The following GRIA4 variants were observed in gnomAD, a reference collection of about 807,000 sequenced individuals.
The protein encoded by GRIA4 is glutamate receptor 4.
A neutral mutation model predicts 104.0 loss-of-function variants in GRIA4; 34 were observed. The ratio of observed to expected loss-of-function variants is 0.33; its 90% CI spans 0.25 to 0.44. The LOEUF is 0.44. GRIA4 is among the 20% of genes least tolerant of loss of function. The pLI, the probability that GRIA4 is intolerant of heterozygous loss-of-function variation, is 1.00. For synonymous variants in GRIA4, 386 were observed against 381.9 expected, an observed-to-expected ratio of 1.01 and a Z score of -0.13; for missense variants, 750 against 1,096.5, an observed-to-expected ratio of 0.68 and a Z score of 4.46.
chr11:105,831,569 T>C (rs1943979256), intron 4 of GRIA4, among the ~76,000 whole-genome samples: 1 of 152,082 alleles, frequency 6.6e-6, no homozygotes, highest in East Asian at 1.9e-4. Flanking sequence ...CTTCCTGTGT[T>C]ACAATATTCA....
At chr11:105,678,813 TAAATA>T (rs1167945259) in intron 3 of GRIA4, among the ~76,000 whole-genome samples, 1 of 152,040 alleles carries the variant, frequency 6.6e-6, no homozygotes, top group Admixed American at 6.6e-5. Context: ...TTTGCAGAAA[TAAATA>T]AAATAAAGCT....
chr11:105,820,554 T>C (rs1458786335), intron 4 of GRIA4, among the ~76,000 whole-genome samples: 1 of 152,092 alleles, frequency 6.6e-6, no homozygotes, highest in Non-Finnish European at 1.5e-5. Context: ...TTTTCTGCCA[T>C]TTTTCCTACA....
At chr11:105,918,570 T>C (rs1299139349) in intron 10 of GRIA4, 142 bp from the exon 11 acceptor site, 1 of 571,428 alleles carries the variant, frequency 1.7e-6, no homozygotes, top group African/African-American at 1.9e-5. Flanking sequence ...TCTGTTTTAT[T>C]ATTGACTTCT....
chr11:105,696,790 G>A (rs182369315), intron 3 of GRIA4, among the ~76,000 whole-genome samples: 1 of 151,572 alleles, frequency 6.6e-6, no homozygotes, highest in East Asian at 1.9e-4. Flanking sequence ...TTGAAACAGA[G>A]TTTTGCTCTA....
chr11:105,911,554 T>C (rs1486633559), intron 10 of GRIA4, among the ~76,000 whole-genome samples: 1 of 151,388 alleles, frequency 6.6e-6, no homozygotes, highest in African/African-American at 2.4e-5. Context: ...TGTTGAGTTG[T>C]TCCCAAAAGT....
intron 4 of GRIA4, among the ~76,000 whole-genome samples, chr11:105,815,649 AG>A (rs57799906): frequency 0.012 from 1,850 of 149,604 alleles, 41 homozygotes; most frequent in African/African-American, 0.044. Flanking sequence ...AGTATGTTTA[AG>A]GGGTTTATAT....
At chr11:105,671,060 CCA>C (rs1160553761) in intron 3 of GRIA4, among the ~76,000 whole-genome samples, 2 of 152,110 alleles carry the variant, frequency 1.3e-5, no homozygotes, top group Non-Finnish European at 2.9e-5. Flanking sequence ...TCCCCTTTTA[CCA>C]CAGCTGGTTG....
intron 14 of GRIA4, among the ~76,000 whole-genome samples, chr11:105,960,854 C>T (rs1026916486): frequency 6.6e-6 from 1 of 152,194 alleles, no homozygotes; most frequent in Non-Finnish European, 1.5e-5. Flanking sequence ...CACCGCCTCC[C>T]GTGGCTGTGG....
intron 3 of GRIA4, among the ~76,000 whole-genome samples, chr11:105,750,590 T>G (rs1260966080): frequency 6.6e-6 from 1 of 152,098 alleles, no homozygotes; most frequent in African/African-American, 2.4e-5. Flanking sequence ...TGAGGTCCAG[T>G]ATAATAAATT....
At chr11:105,619,474 T>G (rs1176846081) in intron 3 of GRIA4, among the ~76,000 whole-genome samples, 1 of 151,974 alleles carries the variant, frequency 6.6e-6, no homozygotes, top group Non-Finnish European at 1.5e-5. Flanking sequence ...TTTAAATAGA[T>G]TTTTTGATAT....
chr11:105,841,872 T>C (rs961498292), intron 4 of GRIA4, among the ~76,000 whole-genome samples: 9 of 152,218 alleles, frequency 5.9e-5, no homozygotes, highest in African/African-American at 1.7e-4. Flanking sequence ...AGATTCTTAC[T>C]TCTGTGCTGT....
intron 3 of GRIA4, among the ~76,000 whole-genome samples, chr11:105,634,367 A>AG (rs997342693): frequency 6.7e-5 from 10 of 148,950 alleles, no homozygotes; most frequent in South Asian, 2.1e-4. Flanking sequence ...AAAAAAAAAA[A>AG]AAGAAGAAGA....
chr11:105,728,051 TA>T (rs1938333138), intron 3 of GRIA4, among the ~76,000 whole-genome samples: 1 of 152,178 alleles, frequency 6.6e-6, no homozygotes, highest in African/African-American at 2.4e-5. Context: ...GTAAATGGGC[TA>T]AATGCCCCAA....
chr11:105,686,562 C>T (rs1044889863), intron 3 of GRIA4, among the ~76,000 whole-genome samples: 1 of 152,080 alleles, frequency 6.6e-6, no homozygotes, highest in Non-Finnish European at 1.5e-5. Flanking sequence ...TTTGGTAGAA[C>T]AATTTGTTTT....
intron 14 of GRIA4, among the ~76,000 whole-genome samples, chr11:105,940,256 G>A (rs900583108): frequency 2.0e-5 from 3 of 151,976 alleles, no homozygotes; most frequent in African/African-American, 2.4e-5. Flanking sequence ...CCAGCTACTC[G>A]GGAGCTGAGG....
At chr11:105,813,310 A>C (rs1320026457) in intron 4 of GRIA4, among the ~76,000 whole-genome samples, 3 of 152,138 alleles carry the variant, frequency 2.0e-5, no homozygotes, top group Non-Finnish European at 2.9e-5. Context: ...ATTCTTAATA[A>C]AGAAGATTTC....
intron 14 of GRIA4, among the ~76,000 whole-genome samples, chr11:105,969,764 T>C (rs1439690020): frequency 6.6e-6 from 1 of 152,166 alleles, no homozygotes; most frequent in Non-Finnish European, 1.5e-5. Flanking sequence ...TAAAAACCCT[T>C]AGAGTATCAG....
intron 4 of GRIA4, among the ~76,000 whole-genome samples, chr11:105,795,873 T>C (rs1942458361): frequency 1.3e-5 from 2 of 152,138 alleles, no homozygotes; most frequent in African/African-American, 4.8e-5. Context: ...ATACAATACA[T>C]TTATGCTTCT....
At chr11:105,655,069 C>T (rs916633623) in intron 3 of GRIA4, among the ~76,000 whole-genome samples, 1 of 152,118 alleles carries the variant, frequency 6.6e-6, no homozygotes, top group African/African-American at 2.4e-5. Flanking sequence ...TTAATTGTGA[C>T]TAAGGCAATA....
Sources: allele counts gnomAD v4.1 joint callset (sites outside exome capture counted in the v4.1 genomes callset), GRCh38; gene constraint gnomAD v4.1.1; transcripts MANE v1.5; gene names NCBI Gene and HGNC (gene_info 2026-07-23, HGNC 2026-07-21).